PDSS2: variants seen among roughly 807,000 people sequenced by gnomAD.
The protein encoded by PDSS2 is all trans-polyprenyl-diphosphate synthase PDSS2.
Under a neutral mutation model 44.5 loss-of-function variants are expected in PDSS2, and 31 were observed. That is an observed-to-expected ratio of 0.70 (90% CI 0.52 to 0.94). The LOEUF is 0.94. PDSS2 is among the 40% of genes least tolerant of loss of function. The probability of loss-of-function intolerance (pLI) is 0.00; values close to 1 mark genes in which losing one functional copy is unlikely to be tolerated. For missense variants in PDSS2, 452 were observed against 482.2 expected, an observed-to-expected ratio of 0.94 and a Z score of 0.59; for synonymous variants, 157 against 180.3, an observed-to-expected ratio of 0.87 and a Z score of 1.03.
intron 4 of PDSS2, among the ~76,000 whole-genome samples, chr6:107,232,445 G>GT (rs944941116): frequency 3.3e-5 from 5 of 152,090 alleles, no homozygotes; most frequent in African/African-American, 4.8e-5. Flanking sequence ...TTCCTGGAAT[G>GT]TTTTTTCCCC....
At chr6:107,310,005 G>C (rs1007468224) in intron 2 of PDSS2, among the ~76,000 whole-genome samples, 3 of 152,138 alleles carry the variant, frequency 2.0e-5, no homozygotes, top group African/African-American at 7.2e-5. Flanking sequence ...GCAAATTCAG[G>C]CTGGGTGTGG....
intron 1 of PDSS2, among the ~76,000 whole-genome samples, chr6:107,407,113 G>C (rs1185745259): frequency 6.6e-6 from 1 of 152,140 alleles, no homozygotes; most frequent in Non-Finnish European, 1.5e-5. Flanking sequence ...ATATTATTCA[G>C]CAATACAAAG....
At chr6:107,211,734 CAAA>C (rs772288348) in intron 5 of PDSS2, among the ~76,000 whole-genome samples, 22 of 76,956 alleles carry the variant, frequency 2.9e-4, no homozygotes, top group East Asian at 1.1e-3. Context: ...GACTCCATCT[CAAA>C]AAAAAAAAAA....
Position 107,389,589 on chromosome 6 carries a change from T to C in PDSS2, c.297-55257A>G, listed in dbSNP as rs1198762906. 2.0e-5 allele frequency among the ~76,000 whole-genome samples: 3 copies of C among 152,198 alleles called. No homozygotes were observed. In the East Asian group the frequency reaches 5.8e-4, roughly 29 times the overall value. ...TTACAGATAAACTAAGGGGGAAGGCTACAAGGAATACTGTGGTATTGGATT... is the reference window on the plus strand; with the variant it reads ...TTACAGATAAACTAAGGGGGAAGGCCACAAGGAATACTGTGGTATTGGATT... On this transcript the variant is annotated intron_variant, in intron 1 of 7. Transcript: ENST00000369037.
intron 1 of PDSS2, among the ~76,000 whole-genome samples, chr6:107,405,715 C>T (rs551562117): frequency 2.6e-5 from 4 of 151,280 alleles, no homozygotes; most frequent in African/African-American, 9.7e-5. Context: ...GGCGTAGCGG[C>T]GGGCGCCTGT....
chr6:107,299,273 A>G (rs754134216), intron 2 of PDSS2, among the ~76,000 whole-genome samples: 4 of 151,826 alleles, frequency 2.6e-5, no homozygotes, highest in Admixed American at 6.6e-5. Flanking sequence ...TTTTAAATAC[A>G]CTCACAGATG....
chr6:107,204,209 G>C (rs1772893548), intron 6 of PDSS2, among the ~76,000 whole-genome samples: 1 of 152,054 alleles, frequency 6.6e-6, no homozygotes, highest in African/African-American at 2.4e-5. Context: ...CCAAAGTGCT[G>C]GGATTACAGG....
chr6:107,247,213 T>C (rs780412351), intron 3 of PDSS2, among the ~76,000 whole-genome samples: 4 of 152,210 alleles, frequency 2.6e-5, no homozygotes, highest in Non-Finnish European at 4.4e-5. Context: ...AGAAATGTTA[T>C]GGTTTTGAAA....
chr6:107,453,070 A>G lies in PDSS2; in HGVS notation c.296+5920T>C, dbSNP rs528701293. On this transcript the variant is annotated intron_variant, in intron 1 of 7. Coordinates refer to ENST00000369037, the MANE Select transcript of PDSS2 (RefSeq NM_020381.4). ...CCCTAGGTCCTGAAGATGTTATCCT[A>G]TGTTTTCTTTTTTTTTTGAGACTGA... Among the ~76,000 whole-genome samples the G allele has an allele frequency of 6.6e-5, 10 of 151,000 alleles. No homozygotes were observed. In the South Asian group the frequency reaches 2.1e-3, roughly 32 times the overall value.
intron 2 of PDSS2, among the ~76,000 whole-genome samples, chr6:107,320,240 T>G (rs1197289263): frequency 1.3e-5 from 2 of 152,152 alleles, no homozygotes; most frequent in African/African-American, 4.8e-5. Flanking sequence ...GTTTGTTGGT[T>G]CTCACGTACA....
intron 7 of PDSS2, among the ~76,000 whole-genome samples, chr6:107,166,585 C>T (rs1186049473): frequency 5.3e-5 from 8 of 151,976 alleles, no homozygotes; most frequent in Non-Finnish European, 1.0e-4. Context: ...AGGATGGTCT[C>T]GATCTCCTGA....
intron 2 of PDSS2, among the ~76,000 whole-genome samples, chr6:107,319,126 T>A (rs1431200906): frequency 6.6e-5 from 10 of 151,912 alleles, no homozygotes; most frequent in African/African-American, 2.4e-4. Context: ...TACTACAGAG[T>A]CCCTGGTTTC....
At chr6:107,365,219 A>C (rs1778926779) in intron 1 of PDSS2, among the ~76,000 whole-genome samples, 1 of 152,190 alleles carries the variant, frequency 6.6e-6, no homozygotes, top group Non-Finnish European at 1.5e-5. Flanking sequence ...TATATTTAAC[A>C]ATAGTAACAC....
At chr6:107,297,222 TCA>T (rs1471948616) in intron 2 of PDSS2, among the ~76,000 whole-genome samples, 1 of 152,204 alleles carries the variant, frequency 6.6e-6, no homozygotes, top group Non-Finnish European at 1.5e-5. Flanking sequence ...TCAGTCAGTC[TCA>T]GATTTAATGT....
At chr6:107,175,149 T>C (rs1582738644) in intron 7 of PDSS2, among the ~76,000 whole-genome samples, 1 of 150,902 alleles carries the variant, frequency 6.6e-6, no homozygotes, top group Non-Finnish European at 1.5e-5. Flanking sequence ...GAGGTGGAGG[T>C]TGCAGTGAGC....
intron 4 of PDSS2, among the ~76,000 whole-genome samples, chr6:107,243,277 G>T (rs1774502877): frequency 6.6e-6 from 1 of 152,022 alleles, no homozygotes; most frequent in Non-Finnish European, 1.5e-5. Flanking sequence ...TCTATAAATG[G>T]GAATACCAAC....
chr6:107,371,733 T>G (rs1478758669), intron 1 of PDSS2, among the ~76,000 whole-genome samples: 1 of 152,130 alleles, frequency 6.6e-6, no homozygotes, highest in Non-Finnish European at 1.5e-5. Context: ...CATTGTCGAG[T>G]CTAGGACACC....
chr6:107,415,576 G>T (rs959524806), intron 1 of PDSS2, among the ~76,000 whole-genome samples: 3 of 152,154 alleles, frequency 2.0e-5, no homozygotes, highest in African/African-American at 7.2e-5. Flanking sequence ...AAAAAAGGGT[G>T]TCTGAAATAG....
intron 1 of PDSS2, among the ~76,000 whole-genome samples, chr6:107,411,815 G>A (rs543895372): frequency 6.6e-6 from 1 of 151,588 alleles, no homozygotes; most frequent in Non-Finnish European, 1.5e-5. Flanking sequence ...TAGTATTGGG[G>A]GGTGGGGGAT....
Sources: gnomAD v4.1 joint callset for allele counts (sites outside exome capture counted in the v4.1 genomes callset) on GRCh38, gnomAD v4.1.1 for gene constraint, MANE v1.5 for transcripts, NCBI Gene and HGNC (gene_info 2026-07-23, HGNC 2026-07-21) for gene names.